The following SHISA9 variants were observed in gnomAD, a reference collection of about 807,000 sequenced individuals.
SHISA9 encodes shisa family member 9.
SHISA9 carries 13 observed loss-of-function variants against 38.0 expected under a neutral mutation model. The observed-to-expected ratio is 0.34, with a 90% CI of 0.22 to 0.54. The LOEUF is 0.54. Ranked by LOEUF, SHISA9 falls within the 20% of genes least tolerant of loss-of-function variation. The pLI is 0.91. For synonymous variants in SHISA9, 275 were observed against 242.0 expected (o/e 1.14, Z -1.27); for missense variants, 538 against 575.8 (o/e 0.93, Z 0.67).
chr16:13,459,355 G>C, the SHISA9 span, among the ~76,000 whole-genome samples: 18 of 152,054 alleles, frequency 1.2e-4, no homozygotes, highest in African/African-American at 4.1e-4. Flanking sequence ...GTGGTATAGA[G>C]ATCTCTCAAT....
the SHISA9 span, among the ~76,000 whole-genome samples, chr16:13,246,649 T>G: frequency 1.3e-5 from 2 of 152,172 alleles, no homozygotes; most frequent in African/African-American, 2.4e-5. Flanking sequence ...TCAGTCAGCA[T>G]GAGTCTCTAA....
chr16:13,413,487 G>A, the SHISA9 span, among the ~76,000 whole-genome samples: 2 of 152,138 alleles, frequency 1.3e-5, no homozygotes. Context: ...CAGGCGCAGT[G>A]GCTCACGCCT....
intron 2 of SHISA9, among the ~76,000 whole-genome samples, chr16:13,042,410 G>T (rs1567192782): frequency 6.6e-6 from 1 of 152,252 alleles, no homozygotes; most frequent in South Asian, 2.1e-4. Context: ...CAGTAGCATT[G>T]GATGGGACAA....
At chr16:13,083,721 G>A (rs147469105) in intron 2 of SHISA9, among the ~76,000 whole-genome samples, 1 of 152,252 alleles carries the variant, frequency 6.6e-6, no homozygotes, top group Non-Finnish European at 1.5e-5. Flanking sequence ...TTGTCTATGG[G>A]CTGCTTCAGG....
intron 2 of SHISA9, among the ~76,000 whole-genome samples, chr16:13,109,621 T>C (rs898912190): frequency 6.6e-5 from 10 of 152,232 alleles, no homozygotes; most frequent in Non-Finnish European, 1.3e-4. Flanking sequence ...GCAACTATCA[T>C]GAGCATCCAG....
the SHISA9 span, among the ~76,000 whole-genome samples, chr16:13,561,857 A>C: frequency 6.6e-6 from 1 of 152,182 alleles, no homozygotes; most frequent in African/African-American, 2.4e-5. Context: ...GTTGCAATTC[A>C]AATTAGCTTA....
At chr16:13,358,085 C>T in the SHISA9 span, among the ~76,000 whole-genome samples, 5 of 152,034 alleles carry the variant, frequency 3.3e-5, no homozygotes, top group African/African-American at 1.2e-4. Context: ...ATGGGTACGG[C>T]CTCCCTTGAA....
At position 12,943,125 on chromosome 16, in the gene SHISA9, C is replaced by T. The variant is rs76818176; in HGVS notation, c.691+26310C>T. ...AGTCCATGATTGGGCTATGATAGGT[C>T]GCATGCCCATTCCTGCACCAGTCAC... On this transcript the variant is annotated intron_variant, in intron 2 of 4. Coordinates refer to ENST00000558583, the MANE Select transcript of SHISA9 (RefSeq NM_001145204.3). Among the ~76,000 whole-genome samples, 1,223 of 152,024 alleles carry T rather than the reference C, an allele frequency of 8.0e-3. 24 individuals carry two copies. Among genetic ancestry groups the T allele is most frequent in the African/African-American group, 0.028 (1,144 of 41,452 alleles).
chr16:12,979,923 C>T (rs1375863175), intron 2 of SHISA9, among the ~76,000 whole-genome samples: 1 of 151,992 alleles, frequency 6.6e-6, no homozygotes, highest in Non-Finnish European at 1.5e-5. Flanking sequence ...ATTATCTATT[C>T]TCAAACTTTA....
chr16:12,980,108 A>G (rs1324594363), intron 2 of SHISA9, among the ~76,000 whole-genome samples: 1 of 152,206 alleles, frequency 6.6e-6, no homozygotes, highest in Non-Finnish European at 1.5e-5. Flanking sequence ...TTTTATAGAT[A>G]TAATTTCCCT....
chr16:13,130,852 T>C (rs1192814533), intron 2 of SHISA9, among the ~76,000 whole-genome samples: 1 of 152,176 alleles, frequency 6.6e-6, no homozygotes, highest in Admixed American at 6.5e-5. Context: ...GTTGGCTGCA[T>C]GAATGTCTTC....
chr16:13,562,202 A>T, the SHISA9 span, among the ~76,000 whole-genome samples: 2 of 152,228 alleles, frequency 1.3e-5, no homozygotes, highest in Non-Finnish European at 2.9e-5. Flanking sequence ...GTAGGACAGA[A>T]ACCCCTGGAA....
chr16:13,091,057 A>T (rs2073769781), intron 2 of SHISA9, among the ~76,000 whole-genome samples: 1 of 152,160 alleles, frequency 6.6e-6, no homozygotes. Context: ...TTCATTTATG[A>T]AGCTTAGTTT....
chr16:13,454,287 A>G, the SHISA9 span, among the ~76,000 whole-genome samples: 1 of 152,230 alleles, frequency 6.6e-6, no homozygotes, highest in African/African-American at 2.4e-5. Context: ...TAAGGAAAAA[A>G]TGGAGATGAG....
At chr16:13,117,958 G>A (rs749044698) in intron 2 of SHISA9, among the ~76,000 whole-genome samples, 6 of 152,106 alleles carry the variant, frequency 3.9e-5, no homozygotes, top group Non-Finnish European at 8.8e-5. Flanking sequence ...GAGGTGGGCG[G>A]ATCGCCTGAG....
At chr16:13,306,254 C>T in the SHISA9 span, among the ~76,000 whole-genome samples, 1 of 152,102 alleles carries the variant, frequency 6.6e-6, no homozygotes, top group African/African-American at 2.4e-5. Context: ...GGGGTGGAGA[C>T]AGGAAAAAGT....
chr16:13,415,243 A>C, the SHISA9 span, among the ~76,000 whole-genome samples: 1 of 152,230 alleles, frequency 6.6e-6, no homozygotes, highest in East Asian at 1.9e-4. Flanking sequence ...TACACCGTGG[A>C]ATACTATGCA....
chr16:13,181,426 G>A (rs1596708297), intron 2 of SHISA9, among the ~76,000 whole-genome samples: 1 of 151,322 alleles, frequency 6.6e-6, no homozygotes, highest in Non-Finnish European at 1.5e-5. Flanking sequence ...AGGCTGTGAG[G>A]GGGGAAATCA....
In SHISA9 at chr16:13,236,274, A is replaced by G. The variant is rs182256979; in HGVS notation, c.*865A>G. ...GAGGATTAAAATGTAAGCCCACTAC[A>G]AAACAGATAAAAACGGCAAATTAGG... On this transcript the variant is annotated 3_prime_UTR_variant, in exon 5 of 5. Coordinates refer to ENST00000558583, the MANE Select transcript of SHISA9 (RefSeq NM_001145204.3). 6.8e-6 allele frequency: 1 copy of G among 148,080 alleles called. No homozygotes were observed. Among genetic ancestry groups the G allele is most frequent in the African/African-American group, 2.5e-5 (1 of 39,660 alleles). The allele number at this position is 148,080 out of a possible 1,614,324, so 9.2% of individuals were successfully genotyped here.
Sources: gnomAD v4.1 joint callset for allele counts (sites outside exome capture counted in the v4.1 genomes callset) on GRCh38, gnomAD v4.1.1 for gene constraint, MANE v1.5 for transcripts, NCBI Gene and HGNC (gene_info 2026-07-23, HGNC 2026-07-21) for gene names.